The following IFT74 variants were observed in gnomAD, a reference collection of about 807,000 sequenced individuals.
IFT74 encodes the protein intraflagellar transport protein 74 homolog.
A neutral mutation model predicts 96.7 loss-of-function variants in IFT74; 92 were observed. The ratio of observed to expected loss-of-function variants is 0.95; its 90% confidence interval spans 0.80 to 1.13. IFT74 has a LOEUF of 1.13. Among genes scored for constraint, IFT74 ranks in the 50% most tolerant of loss-of-function variants. The probability of loss-of-function intolerance (pLI) is 0.00; values close to 1 mark genes in which losing one functional copy is unlikely to be tolerated. For missense variants in IFT74, 811 were observed against 698.2 expected (o/e 1.16, Z -1.82); for synonymous variants, 223 against 213.2 (o/e 1.05, Z -0.40).
chr9:27,057,158 G>T (rs1435608209), intron 18 of IFT74, among the ~76,000 whole-genome samples: 1 of 152,028 alleles, frequency 6.6e-6, no homozygotes, highest in Non-Finnish European at 1.5e-5. Flanking sequence ...GTAATTTCTA[G>T]TTTTAAAACC....
At chr9:27,047,219 T>C (rs1335370766) in intron 14 of IFT74, 55 bp from the exon 15 acceptor site, 3 of 1,034,346 alleles carry the variant, frequency 2.9e-6, no homozygotes, top group Non-Finnish European at 4.4e-6. Context: ...AAATCAGAGT[T>C]TATATAGTGT....
chr9:26,996,522 A>G (rs1828168391), intron 8 of IFT74: 1 of 1,364,142 alleles, frequency 7.3e-7, no homozygotes, highest in East Asian at 2.6e-5. Context: ...AAAGAATAAG[A>G]TTTAGTATAG....
intron 4 of IFT74, among the ~76,000 whole-genome samples, chr9:26,980,894 C>T (rs1827345768): frequency 1.3e-5 from 2 of 152,100 alleles, no homozygotes; most frequent in South Asian, 2.1e-4. Context: ...TTTGTTTGTG[C>T]TGCTATAATA....
intron 1 of IFT74, among the ~76,000 whole-genome samples, chr9:26,951,073 G>C (rs1380678652): frequency 1.3e-5 from 2 of 152,218 alleles, no homozygotes; most frequent in Admixed American, 6.5e-5. Context: ...AAAAATGTCC[G>C]TAATGACAGT....
At chr9:26,977,931 A>G (rs1467068375) in intron 2 of IFT74, among the ~76,000 whole-genome samples, 197 bp from the exon 3 acceptor site, 3 of 152,276 alleles carry the variant, frequency 2.0e-5, no homozygotes, top group African/African-American at 7.2e-5. Context: ...AAATAGTCAT[A>G]GAACATTAAA....
At chr9:27,004,819 G>A (rs1415536504) in intron 8 of IFT74, among the ~76,000 whole-genome samples, 6 of 151,644 alleles carry the variant, frequency 4.0e-5, no homozygotes, top group East Asian at 3.9e-4. Flanking sequence ...ACAAAATTAC[G>A]TGCATTTTTA....
At chr9:27,003,228 G>A (rs758147502) in intron 8 of IFT74, among the ~76,000 whole-genome samples, 1 of 151,616 alleles carries the variant, frequency 6.6e-6, no homozygotes, top group Non-Finnish European at 1.5e-5. Flanking sequence ...TTTTTTAAGT[G>A]TAAGATCATG....
chr9:27,006,955 G>A (rs1483848754), intron 8 of IFT74, among the ~76,000 whole-genome samples: 2 of 147,832 alleles, frequency 1.4e-5, no homozygotes, highest in Non-Finnish European at 3.0e-5. Context: ...TCCTGCCTCA[G>A]CCTCCCAAGT....
chr9:27,063,495 A>G lies in IFT74; in HGVS notation c.*759A>G, dbSNP rs1012918832. On this transcript the variant is annotated 3_prime_UTR_variant, in exon 20 of 20. Transcript: ENST00000380062. ...TAAACATTAGCCAGAATATTTGGGG[A>G]AAAAAGCTAGAAGAGGTAGGATTGG... is the stretch of plus-strand genomic sequence containing the variant. Among the ~76,000 whole-genome samples the G allele has an allele frequency of 5.9e-5, 9 of 152,088 alleles. No homozygotes were observed. The highest frequency in any genetic ancestry group is 9.7e-5 in the African/African-American group (4 of 41,436).
chr9:27,014,970 C>A (rs1294856139), intron 10 of IFT74, among the ~76,000 whole-genome samples: 2 of 152,172 alleles, frequency 1.3e-5, no homozygotes, highest in Non-Finnish European at 2.9e-5. Flanking sequence ...AGATAGTGGT[C>A]AATCAACTAG....
intron 18 of IFT74, among the ~76,000 whole-genome samples, chr9:27,057,654 A>C (rs1346486232): frequency 6.6e-6 from 1 of 152,020 alleles, no homozygotes; most frequent in Non-Finnish European, 1.5e-5. Flanking sequence ...TCAGGAGATC[A>C]AGACCATCCT....
intron 8 of IFT74, chr9:27,005,501 A>G (rs1238862475): frequency 6.6e-6 from 1 of 151,952 alleles, no homozygotes; most frequent in Non-Finnish European, 1.5e-5. Context: ...ATCACTTCTT[A>G]AAGGCAAAGA....
At chr9:27,048,710 G>T (rs1819799216) in intron 16 of IFT74, among the ~76,000 whole-genome samples, 1 of 152,172 alleles carries the variant, frequency 6.6e-6, no homozygotes, top group Non-Finnish European at 1.5e-5. Flanking sequence ...GTACATGCTG[G>T]TTAGGCCAGC....
chr9:27,040,765 C>G (rs968192484), intron 13 of IFT74, among the ~76,000 whole-genome samples: 4 of 151,992 alleles, frequency 2.6e-5, no homozygotes, highest in African/African-American at 7.3e-5. Context: ...CTAGTACATG[C>G]CTTGTTGTGT....
chr9:27,062,858 A>AGGG lies in IFT74; in HGVS notation c.*122_*123insGGG. 1.6e-6 allele frequency: 1 copy of AGGG among 634,860 alleles called. No homozygotes were observed. Among genetic ancestry groups the AGGG allele is most frequent in the Non-Finnish European group, 2.8e-6 (1 of 357,232 alleles). The allele number at this position is 634,860 out of a possible 1,614,324, so 39.3% of individuals were successfully genotyped here. On this transcript the variant is annotated 3_prime_UTR_variant, in exon 20 of 20. Coordinates refer to ENST00000380062, the MANE Select transcript of IFT74 (RefSeq NM_025103.4). ...TTACCTAAAATTTCTGAATGTTATA[A>AGGG]TTTTTGTGGCCTCTTTTAAGAATGA...
chr9:26,961,166 C>A (rs1053020174), intron 1 of IFT74, among the ~76,000 whole-genome samples: 2 of 150,354 alleles, frequency 1.3e-5, no homozygotes, highest in South Asian at 4.3e-4. Context: ...TCTCGGCTCA[C>A]TGCAAACTCT....
intron 12 of IFT74, among the ~76,000 whole-genome samples, chr9:27,026,147 T>C (rs771233809): frequency 5.3e-5 from 8 of 152,220 alleles, no homozygotes; most frequent in Non-Finnish European, 1.2e-4. Context: ...GAAAAAGTTA[T>C]TCCATGCAAA....
At chr9:27,014,043 G>A (rs1044077875) in intron 10 of IFT74, among the ~76,000 whole-genome samples, 2 of 152,040 alleles carry the variant, frequency 1.3e-5, no homozygotes, top group African/African-American at 2.4e-5. Context: ...GTGAAAACCC[G>A]TCTTTACTAA....
Position 27,012,510 on chromosome 9 carries a change from G to A in IFT74, c.789+542G>A, listed in dbSNP as rs73436060. ...TGGGATTACAGGCATGAGGCATTGT[G>A]CTCAGCCTCTAATGGCAATTTAAAG... On this transcript the variant is annotated intron_variant, in intron 10 of 19. Transcript: ENST00000380062. 4.5e-3 allele frequency among the ~76,000 whole-genome samples: 691 copies of A among 152,082 alleles called. 5 individuals are homozygous for A. The highest frequency in any genetic ancestry group is 0.016 in the African/African-American group (646 of 41,494).
Sources: gnomAD v4.1 joint callset for allele counts (sites outside exome capture counted in the v4.1 genomes callset) on GRCh38, gnomAD v4.1.1 for gene constraint, MANE v1.5 for transcripts, NCBI Gene and HGNC (gene_info 2026-07-23, HGNC 2026-07-21) for gene names.